CNKSR3: variants seen among roughly 807,000 people sequenced by gnomAD.
The protein encoded by CNKSR3 is connector enhancer of kinase suppressor of ras 3.
CNKSR3 carries 36 observed loss-of-function variants against 67.7 expected under a neutral mutation model. The ratio of observed to expected loss-of-function variants is 0.53; its 90% confidence interval spans 0.41 to 0.70. The LOEUF (loss-of-function observed/expected upper bound fraction) is 0.70, where lower values mean the gene tolerates loss of function less well. CNKSR3 is among the 30% of genes least tolerant of loss of function. The pLI, the probability that CNKSR3 is intolerant of heterozygous loss-of-function variation, is 0.00. For missense variants in CNKSR3, 630 were observed against 695.2 expected (o/e 0.91, Z 1.05); for synonymous variants, 281 against 271.4 (o/e 1.04, Z -0.35).
chr6:154,483,411 G>A (rs1047886181), intron 1 of CNKSR3, among the ~76,000 whole-genome samples: 2 of 151,990 alleles, frequency 1.3e-5, no homozygotes, highest in Non-Finnish European at 2.9e-5. Flanking sequence ...AGTATGCCAC[G>A]CACAACCAAC....
chr6:154,470,198 T>C (rs1786297124), intron 1 of CNKSR3, among the ~76,000 whole-genome samples: 2 of 76,190 alleles, frequency 2.6e-5, no homozygotes, highest in African/African-American at 9.6e-5. Context: ...CTTTTTTTTT[T>C]TTTTTTTTTT....
Position 154,399,294 on chromosome 6 carries a change from A to C in CNKSR3, c.*7060T>G, listed in dbSNP as rs904025375. 1.3e-5 allele frequency: 2 copies of C among 152,206 alleles called. No individual in the cohort carries two copies. The highest frequency in any genetic ancestry group is 3.8e-4 in the East Asian group (2 of 5,206). The allele number at this position is 152,206 out of a possible 1,614,324, so 9.4% of individuals were successfully genotyped here. Reference sequence around the variant, plus strand: ...CCTGTTGGCCAGCTCTGAATACCTTATTCACTAGAGGCTGAGATGGAGTCA... The same window carrying C: ...CCTGTTGGCCAGCTCTGAATACCTTCTTCACTAGAGGCTGAGATGGAGTCA... On this transcript the variant is annotated 3_prime_UTR_variant, in exon 13 of 13. Transcript: ENST00000607772.
chr6:154,506,479 T>C (rs2114665434), intron 1 of CNKSR3, among the ~76,000 whole-genome samples: 1 of 152,314 alleles, frequency 6.6e-6, no homozygotes, highest in South Asian at 2.1e-4. Flanking sequence ...TTCAAAGAAC[T>C]CTTTAAAGGG....
intron 2 of CNKSR3, among the ~76,000 whole-genome samples, chr6:154,449,034 T>C (rs1785767921): frequency 6.6e-6 from 1 of 152,062 alleles, no homozygotes. Flanking sequence ...ACTAACCAAT[T>C]TATAAACAAA....
chr6:154,446,385 C>T lies in CNKSR3; in HGVS notation c.216+3710G>A, dbSNP rs76534449. On this transcript the variant is annotated intron_variant, in intron 2 of 12. Transcript: ENST00000607772. ...CACAAAATCAAAGCCATCTTATTGA[C>T]TTGGGTCAATTAAGAGACAACCTAA... Among the ~76,000 whole-genome samples, 898 of 152,298 alleles carry T rather than the reference C, an allele frequency of 5.9e-3. 8 individuals are homozygous for T. Among genetic ancestry groups the T allele is most frequent in the Admixed American group, 9.9e-3 (151 of 15,304 alleles).
intron 1 of CNKSR3, among the ~76,000 whole-genome samples, chr6:154,499,439 G>A (rs1260623458): frequency 1.3e-5 from 2 of 152,160 alleles, no homozygotes; most frequent in African/African-American, 4.8e-5. Flanking sequence ...CAGGTCTGGG[G>A]TGAGGCCCAG....
intron 1 of CNKSR3, among the ~76,000 whole-genome samples, chr6:154,499,858 T>C (rs1786947380): frequency 6.9e-6 from 1 of 145,214 alleles, no homozygotes; most frequent in Non-Finnish European, 1.5e-5. Flanking sequence ...TGTAAAATTC[T>C]TCAAATTGGC....
At chr6:154,470,633 GCTGA>G (rs1358892039) in intron 1 of CNKSR3, among the ~76,000 whole-genome samples, 8 of 152,082 alleles carry the variant, frequency 5.3e-5, no homozygotes, top group Non-Finnish European at 7.4e-5. Context: ...CCTCTTCATG[GCTGA>G]CTAATATTCC....
chr6:154,440,665 C>G (rs1301618239), intron 4 of CNKSR3, among the ~76,000 whole-genome samples: 1 of 152,170 alleles, frequency 6.6e-6, no homozygotes, highest in South Asian at 2.1e-4. Flanking sequence ...AGTGTGAGGA[C>G]CTTCATGGTT....
intron 1 of CNKSR3, among the ~76,000 whole-genome samples, chr6:154,458,671 C>A (rs1786010124): frequency 6.6e-6 from 1 of 152,168 alleles, no homozygotes; most frequent in Non-Finnish European, 1.5e-5. Context: ...CCCAATTTCT[C>A]CTCCTGGCTG....
In CNKSR3 at chr6:154,421,987, C is replaced by CTT. The variant is rs34269095; in HGVS notation, c.945+517_945+518dup. On this transcript the variant is annotated intron_variant, in intron 9 of 12. Coordinates refer to ENST00000607772, the MANE Select transcript of CNKSR3 (RefSeq NM_173515.4). ...GATTAACTTTTAATGTCATTTCATTCTTTTTTTTTTTTTTTTTTTTATGAG... is the reference window on the plus strand; with the variant it reads ...GATTAACTTTTAATGTCATTTCATTCTTTTTTTTTTTTTTTTTTTTTTATGAG... Among the ~76,000 whole-genome samples the CTT allele has an allele frequency of 2.4e-3, 302 of 127,302 alleles. 4 individuals carry two copies. The highest frequency in any genetic ancestry group is 7.3e-3 in the African/African-American group (246 of 33,918). The allele number at this position is 127,302 out of a possible 152,430, so 83.5% of individuals were successfully genotyped here. A position where few individuals can be genotyped will look rare whatever the true frequency, so the allele number is the denominator to read the frequency against.
intron 1 of CNKSR3, among the ~76,000 whole-genome samples, chr6:154,491,421 GT>G (rs956359513): frequency 6.6e-6 from 1 of 152,190 alleles, no homozygotes; most frequent in Non-Finnish European, 1.5e-5. Flanking sequence ...AGTTGCACCA[GT>G]TTTCCTGCTA....
chr6:154,475,598 C>G (rs1786429254), intron 1 of CNKSR3, among the ~76,000 whole-genome samples: 2 of 152,168 alleles, frequency 1.3e-5, no homozygotes, highest in Admixed American at 6.5e-5. Flanking sequence ...GCCTCTTGCT[C>G]CCTCTCAGCT....
chr6:154,432,064 T>C (rs1419547135), intron 5 of CNKSR3, among the ~76,000 whole-genome samples: 2 of 152,252 alleles, frequency 1.3e-5, no homozygotes, highest in South Asian at 4.1e-4. Flanking sequence ...ATATGTTTAG[T>C]TTTGTAAGAA....
chr6:154,479,743 A>T (rs992156567), intron 1 of CNKSR3, among the ~76,000 whole-genome samples: 3 of 152,228 alleles, frequency 2.0e-5, no homozygotes, highest in Non-Finnish European at 4.4e-5. Context: ...TAAAAAAAAT[A>T]AAGTGTCCTT....
chr6:154,490,439 GAT>G (rs1786762497), intron 1 of CNKSR3, among the ~76,000 whole-genome samples: 1 of 152,116 alleles, frequency 6.6e-6, no homozygotes, highest in Non-Finnish European at 1.5e-5. Context: ...ATGTATATAT[GAT>G]ATATAATATG....
At chr6:154,459,213 C>T (rs989767045) in intron 1 of CNKSR3, among the ~76,000 whole-genome samples, 8 of 151,784 alleles carry the variant, frequency 5.3e-5, no homozygotes, top group Non-Finnish European at 7.4e-5. Flanking sequence ...CATATAAAGA[C>T]GATGCATGTA....
Position 154,462,485 on chromosome 6 carries a change from T to C in CNKSR3, c.53-12227A>G, listed in dbSNP as rs966074753. 5.9e-5 allele frequency among the ~76,000 whole-genome samples: 9 copies of C among 152,362 alleles called. 1 individual carries two copies. The highest frequency in any genetic ancestry group is 2.0e-4 in the Admixed American group (3 of 15,304). ...TTGAGGTTCCTTAAAGCCTTCTTAA[T>C]GCACAACTTCAATGCTCTTCCCTTG... On this transcript the variant is annotated intron_variant, in intron 1 of 12. Coordinates refer to ENST00000607772, the MANE Select transcript of CNKSR3 (RefSeq NM_173515.4).
chr6:154,481,487 G>A (rs1786566635), intron 1 of CNKSR3, among the ~76,000 whole-genome samples: 2 of 152,190 alleles, frequency 1.3e-5, no homozygotes, highest in Admixed American at 1.3e-4. Context: ...CTAAGTCACT[G>A]AGCATGAAAG....
Sources: allele counts gnomAD v4.1 joint callset (sites outside exome capture counted in the v4.1 genomes callset), GRCh38; gene constraint gnomAD v4.1.1; transcripts MANE v1.5; gene names NCBI Gene and HGNC (gene_info 2026-07-23, HGNC 2026-07-21).